SUMF1: variants seen among roughly 807,000 people sequenced by gnomAD.
The protein encoded by SUMF1 is formylglycine-generating enzyme.
Under a neutral mutation model 47.6 loss-of-function variants are expected in SUMF1, and 48 were observed. The observed-to-expected ratio is 1.01, with a 90% CI of 0.80 to 1.28. The LOEUF (loss-of-function observed/expected upper bound fraction) is 1.28. Ranked by LOEUF, SUMF1 falls within the 50% of genes most tolerant of loss-of-function variation. SUMF1 has a pLI of 0.00. For synonymous variants in SUMF1, 230 were observed against 192.1 expected (o/e 1.20, Z -1.63); for missense variants, 571 against 485.4 (o/e 1.18, Z -1.66).
intron 8 of SUMF1, among the ~76,000 whole-genome samples, chr3:4,075,494 A>T (rs1288931730): frequency 6.6e-6 from 1 of 152,154 alleles, no homozygotes; most frequent in Non-Finnish European, 1.5e-5. Flanking sequence ...GGCCAGGGCA[A>T]TTAGGCAAGA....
chr3:4,146,948 T>G (rs1466097746), intron 8 of SUMF1, among the ~76,000 whole-genome samples: 1 of 152,162 alleles, frequency 6.6e-6, no homozygotes, highest in African/African-American at 2.4e-5. Context: ...GTTGGACATT[T>G]GGCTTGGTTC....
intron 8 of SUMF1, among the ~76,000 whole-genome samples, chr3:4,215,835 A>T (rs1695910951): frequency 6.6e-6 from 1 of 152,134 alleles, no homozygotes; most frequent in African/African-American, 2.4e-5. Context: ...ACTCATAAGG[A>T]ATGTGAAGGA....
intron 8 of SUMF1, among the ~76,000 whole-genome samples, chr3:4,201,382 G>A (rs1695537074): frequency 6.6e-6 from 1 of 152,014 alleles, no homozygotes; most frequent in Non-Finnish European, 1.5e-5. Flanking sequence ...ATAAATAAGT[G>A]AGAATATGTG....
chr3:4,325,891 A>G (rs950535172), intron 8 of SUMF1, among the ~76,000 whole-genome samples: 3 of 152,190 alleles, frequency 2.0e-5, no homozygotes, highest in Non-Finnish European at 4.4e-5. Context: ...TAGTGAACTC[A>G]GCTCACTACA....
chr3:4,305,224 T>C (rs1698143178), intron 8 of SUMF1, among the ~76,000 whole-genome samples: 1 of 152,130 alleles, frequency 6.6e-6, no homozygotes, highest in Admixed American at 6.5e-5. Flanking sequence ...TAGCTGGAAT[T>C]ACAGGCGCCT....
chr3:4,111,825 G>C (rs2125070403), intron 8 of SUMF1, among the ~76,000 whole-genome samples: 2 of 152,248 alleles, frequency 1.3e-5, no homozygotes, highest in South Asian at 4.2e-4. Flanking sequence ...AGGTGTTTTA[G>C]TATGGAAAAT....
intron 8 of SUMF1, among the ~76,000 whole-genome samples, chr3:4,184,823 A>G (rs1695167822): frequency 6.6e-6 from 1 of 151,656 alleles, no homozygotes; most frequent in African/African-American, 2.4e-5. Flanking sequence ...TAATTTTCAG[A>G]TTTTTAGTAG....
intron 3 of SUMF1, among the ~76,000 whole-genome samples, chr3:4,436,635 G>C (rs920154582): frequency 6.6e-6 from 1 of 151,058 alleles, no homozygotes; most frequent in African/African-American, 2.4e-5. Flanking sequence ...ATGGGTTAAA[G>C]AAGAAATTAT....
At chr3:4,206,078 G>A (rs1347743435) in intron 8 of SUMF1, among the ~76,000 whole-genome samples, 1 of 151,938 alleles carries the variant, frequency 6.6e-6, no homozygotes, top group Non-Finnish European at 1.5e-5. Flanking sequence ...GGCCTGAAAT[G>A]AGGGCTTCAG....
At chr3:4,035,133 G>T (rs1021243327) in intron 9 of SUMF1, among the ~76,000 whole-genome samples, 2 of 152,088 alleles carry the variant, frequency 1.3e-5, no homozygotes, top group African/African-American at 2.4e-5. Flanking sequence ...TAAAGCAATG[G>T]TATGAGTTAG....
At chr3:4,220,561 T>C (rs1281692269) in intron 8 of SUMF1, among the ~76,000 whole-genome samples, 1 of 152,068 alleles carries the variant, frequency 6.6e-6, no homozygotes, top group African/African-American at 2.4e-5. Flanking sequence ...CATCTCTCTC[T>C]CCCTCCCTCC....
At chr3:4,092,750 A>G (rs769225502) in intron 8 of SUMF1, among the ~76,000 whole-genome samples, 29 of 152,278 alleles carry the variant, frequency 1.9e-4, no homozygotes, top group Non-Finnish European at 3.7e-4. Context: ...TTAGAACACA[A>G]TCCAAGTCTA....
At chr3:4,407,824 T>C (rs1413419714) in intron 7 of SUMF1, among the ~76,000 whole-genome samples, 1 of 152,142 alleles carries the variant, frequency 6.6e-6, no homozygotes, top group Non-Finnish European at 1.5e-5. Context: ...ACTCATGGCC[T>C]GAGGATATAA....
downstream of SUMF1, among the ~76,000 whole-genome samples, chr3:4,360,255 TG>T (rs1208138278): frequency 6.8e-6 from 1 of 146,060 alleles, no homozygotes; most frequent in Non-Finnish European, 1.5e-5. Flanking sequence ...GGTGGAAGTT[TG>T]TAGAGAAACA....
chr3:4,213,315 C>T (rs565622445), intron 8 of SUMF1, among the ~76,000 whole-genome samples: 2 of 152,160 alleles, frequency 1.3e-5, no homozygotes, highest in Admixed American at 6.5e-5. Flanking sequence ...TCAAACTAAG[C>T]TTCATAAGCC....
intron 8 of SUMF1, among the ~76,000 whole-genome samples, chr3:4,240,483 T>C (rs900428738): frequency 6.8e-6 from 1 of 147,108 alleles, no homozygotes; most frequent in Non-Finnish European, 1.5e-5. Flanking sequence ...TTTGGTACTA[T>C]TTTATTTTGT....
At chr3:4,370,524 T>G (rs932934653) in intron 8 of SUMF1, among the ~76,000 whole-genome samples, 1 of 152,212 alleles carries the variant, frequency 6.6e-6, no homozygotes, top group Non-Finnish European at 1.5e-5. Flanking sequence ...TAAGATGATA[T>G]TCATATGCCA....
At chr3:4,251,914 T>C (rs1348593773) in intron 8 of SUMF1, among the ~76,000 whole-genome samples, 1 of 152,206 alleles carries the variant, frequency 6.6e-6, no homozygotes, top group East Asian at 1.9e-4. Context: ...GATAATGCTA[T>C]TTCACACTTA....
chr3:4,308,815 G>A (rs978767352), intron 8 of SUMF1, among the ~76,000 whole-genome samples: 5 of 152,106 alleles, frequency 3.3e-5, no homozygotes, highest in South Asian at 2.1e-4. Flanking sequence ...GACCATTTAC[G>A]CCTTTGACTT....
Sources: allele counts gnomAD v4.1 joint callset (sites outside exome capture counted in the v4.1 genomes callset), GRCh38; gene constraint gnomAD v4.1.1; transcripts MANE v1.5; gene names NCBI Gene and HGNC (gene_info 2026-07-23, HGNC 2026-07-21).